PDE1A: variants seen among roughly 807,000 people sequenced by gnomAD.
PDE1A encodes the protein phosphodiesterase 1A, also known as dual specificity calcium/calmodulin-dependent 3',5'-cyclic nucleotide phosphodiesterase 1A.
Under a neutral mutation model 61.7 loss-of-function variants are expected in PDE1A, and 35 were observed. The ratio of observed to expected loss-of-function variants is 0.57; its 90% CI spans 0.43 to 0.75. PDE1A has a LOEUF of 0.75. PDE1A is among the 30% of genes least tolerant of loss of function. PDE1A has a pLI of 0.00. For synonymous variants in PDE1A, 232 were observed against 213.2 expected (o/e 1.09, Z -0.77); for missense variants, 597 against 630.6 (o/e 0.95, Z 0.57).
At chr2:182,646,994 A>G in the PDE1A span, among the ~76,000 whole-genome samples, 2 of 152,224 alleles carry the variant, frequency 1.3e-5, no homozygotes, top group South Asian at 4.1e-4. Flanking sequence ...TTCTTATCAC[A>G]CAGATAATGG....
chr2:182,618,397 G>A, the PDE1A span, among the ~76,000 whole-genome samples: 1 of 152,160 alleles, frequency 6.6e-6, no homozygotes, highest in Non-Finnish European at 1.5e-5. Context: ...AATTAAGAAT[G>A]TAGAATTAAT....
intron 1 of PDE1A, among the ~76,000 whole-genome samples, chr2:182,393,079 C>T (rs1326971503): frequency 6.6e-6 from 1 of 152,268 alleles, no homozygotes; most frequent in Non-Finnish European, 1.5e-5. Context: ...CAACATTTCC[C>T]TTCTGCACTG....
At chr2:182,327,182 A>G (rs1697100424) in intron 1 of PDE1A, among the ~76,000 whole-genome samples, 1 of 152,214 alleles carries the variant, frequency 6.6e-6, no homozygotes, top group African/African-American at 2.4e-5. Flanking sequence ...ATGAGTAAAT[A>G]TGTAATGTTA....
intron 2 of PDE1A, among the ~76,000 whole-genome samples, chr2:182,496,740 T>C (rs1480335483): frequency 6.6e-6 from 1 of 152,250 alleles, no homozygotes; most frequent in Non-Finnish European, 1.5e-5. Flanking sequence ...CATAGGTATC[T>C]AGAGGCAGCG....
intron 1 of PDE1A, among the ~76,000 whole-genome samples, chr2:182,298,116 G>T (rs1362224558): frequency 6.6e-6 from 1 of 152,180 alleles, no homozygotes; most frequent in Non-Finnish European, 1.5e-5. Flanking sequence ...AATCCCTGGT[G>T]TACTACAGCA....
At chr2:182,617,330 T>C in the PDE1A span, among the ~76,000 whole-genome samples, 3 of 152,154 alleles carry the variant, frequency 2.0e-5, no homozygotes, top group South Asian at 4.1e-4. Flanking sequence ...TTGTCACACA[T>C]CATTTCAGGG....
chr2:182,636,095 A>G, the PDE1A span, among the ~76,000 whole-genome samples: 1 of 151,420 alleles, frequency 6.6e-6, no homozygotes, highest in Non-Finnish European at 1.5e-5. Context: ...AGCTGGGACT[A>G]CAGGTGCCCG....
the PDE1A span, among the ~76,000 whole-genome samples, chr2:182,689,326 G>A: frequency 6.6e-6 from 1 of 152,062 alleles, no homozygotes; most frequent in Non-Finnish European, 1.5e-5. Flanking sequence ...ATAACAAACT[G>A]TCTCTCAGAC....
the PDE1A span, among the ~76,000 whole-genome samples, chr2:182,653,137 C>T: frequency 6.6e-6 from 1 of 152,148 alleles, no homozygotes; most frequent in Non-Finnish European, 1.5e-5. Flanking sequence ...GAAGTAGTCA[C>T]AATTGCAGGT....
At chr2:182,528,857 G>A in the PDE1A span, among the ~76,000 whole-genome samples, 1 of 152,220 alleles carries the variant, frequency 6.6e-6, no homozygotes, top group East Asian at 1.9e-4. Flanking sequence ...AGGTGGTGTT[G>A]AGCCTACAAG....
the PDE1A span, among the ~76,000 whole-genome samples, chr2:182,537,862 C>T: frequency 1.3e-5 from 2 of 151,808 alleles, no homozygotes; most frequent in African/African-American, 4.8e-5. Flanking sequence ...GCCTTGGAGG[C>T]CCCTGAAAAG....
intron 1 of PDE1A, among the ~76,000 whole-genome samples, chr2:182,304,790 T>C (rs1193420125): frequency 6.6e-6 from 1 of 152,118 alleles, no homozygotes; most frequent in Admixed American, 6.6e-5. Flanking sequence ...AAAACAATTA[T>C]AATAGTAACA....
upstream of PDE1A, among the ~76,000 whole-genome samples, chr2:182,427,669 G>C: frequency 6.6e-6 from 1 of 152,090 alleles, no homozygotes; most frequent in Non-Finnish European, 1.5e-5. Flanking sequence ...ATTAAAAATT[G>C]TTTTCTTTTA....
At chr2:182,356,605 T>A (rs150264725) in intron 1 of PDE1A, among the ~76,000 whole-genome samples, 1,901 of 151,902 alleles carry the variant, frequency 0.013, 24 homozygotes, top group South Asian at 0.048. Context: ...CAAAAATTAG[T>A]GGGGTGTGGT....
chr2:182,223,584 T>C (rs1174711719), intron 7 of PDE1A, among the ~76,000 whole-genome samples: 2 of 152,044 alleles, frequency 1.3e-5, no homozygotes, highest in Non-Finnish European at 2.9e-5. Flanking sequence ...GTCTGACTTG[T>C]GTGGTAGTTC....
At chr2:182,228,674 T>C (rs1031292339) in intron 6 of PDE1A, among the ~76,000 whole-genome samples, 1 of 152,178 alleles carries the variant, frequency 6.6e-6, no homozygotes, top group Non-Finnish European at 1.5e-5. Context: ...TTAGACAAAA[T>C]AGTCAATACA....
the PDE1A span, among the ~76,000 whole-genome samples, chr2:182,600,880 G>A: frequency 6.6e-6 from 1 of 152,286 alleles, no homozygotes; most frequent in Admixed American, 6.5e-5. Context: ...TGGCAAATCT[G>A]ACACAGGCAG....
chr2:182,421,903 T>C (rs1321572826), intron 1 of PDE1A, among the ~76,000 whole-genome samples: 1 of 152,232 alleles, frequency 6.6e-6, no homozygotes, highest in East Asian at 1.9e-4. Flanking sequence ...CTTTTCTTTT[T>C]CTAGGCTTTC....
the PDE1A span, among the ~76,000 whole-genome samples, chr2:182,583,142 T>C: frequency 6.6e-6 from 1 of 152,166 alleles, no homozygotes; most frequent in Non-Finnish European, 1.5e-5. Flanking sequence ...CTTCCAGTGG[T>C]AAAATCCATG....
Sources: allele counts gnomAD v4.1 joint callset (sites outside exome capture counted in the v4.1 genomes callset), GRCh38; gene constraint gnomAD v4.1.1; transcripts MANE v1.5; gene names NCBI Gene and HGNC (gene_info 2026-07-23, HGNC 2026-07-21).